CCNY: variants seen among roughly 807,000 people sequenced by gnomAD.
CCNY encodes the protein cyclin-Y.
In CCNY, 19 loss-of-function variants were observed where a neutral mutation model predicts 42.8. The observed-to-expected ratio is 0.44, with a 90% CI of 0.31 to 0.65. The LOEUF (loss-of-function observed/expected upper bound fraction) is 0.65. Ranked by LOEUF, CCNY falls within the 30% of genes least tolerant of loss-of-function variation. The pLI is 0.07. For synonymous variants in CCNY, 165 were observed against 162.7 expected (o/e 1.01, Z -0.11); for missense variants, 370 against 437.3 (o/e 0.85, Z 1.37).
intron 1 of CCNY, among the ~76,000 whole-genome samples, chr10:35,438,614 G>A (rs1838595700): frequency 6.6e-6 from 1 of 152,220 alleles, no homozygotes; most frequent in Non-Finnish European, 1.5e-5. Flanking sequence ...TGGGAGCTAT[G>A]TAATTGTCGT....
intron 1 of CCNY, among the ~76,000 whole-genome samples, chr10:35,457,543 A>G (rs1839063656): frequency 6.6e-6 from 1 of 151,938 alleles, no homozygotes; most frequent in South Asian, 2.1e-4. Flanking sequence ...TCCATGTTGG[A>G]TCCTGCACAG....
chr10:35,485,729 AAAAAAAAAAAC>A (rs1839772843), intron 2 of CCNY, among the ~76,000 whole-genome samples: 2 of 148,830 alleles, frequency 1.3e-5, no homozygotes, highest in African/African-American at 5.2e-5. Context: ...CGTCTCAAAA[AAAAAAAAAAAC>A]AAAAAAAAAA....
rs185187565 is a variant in CCNY, at chr10:35,382,410, C to T, written c.154+45203C>T. On this transcript the variant is annotated intron_variant, in intron 1 of 9. Coordinates refer to ENST00000374704, the MANE Select transcript of CCNY (RefSeq NM_145012.6). The stretch of plus-strand genomic sequence containing the variant: ...TTGATGCCTTCTCTTGGGAGGGGGC[C>T]GTGGCGCCTTTGCAGTGGTAAGACC... 5.6e-4 allele frequency among the ~76,000 whole-genome samples: 85 copies of T among 152,280 alleles called. 1 individual carries two copies. In the East Asian group the frequency reaches 0.013, roughly 24 times the overall value.
intron 1 of CCNY, among the ~76,000 whole-genome samples, chr10:35,468,975 T>C (rs990667997): frequency 3.9e-5 from 6 of 152,246 alleles, no homozygotes; most frequent in Non-Finnish European, 8.8e-5. Context: ...TCTAGCTATA[T>C]GTAAAAGTGT....
chr10:35,525,093 G>C (rs891733167), intron 4 of CCNY, among the ~76,000 whole-genome samples: 1 of 151,996 alleles, frequency 6.6e-6, no homozygotes, highest in African/African-American at 2.4e-5. Flanking sequence ...TCATTAGTAG[G>C]GGAATAGTTA....
intron 3 of CCNY, among the ~76,000 whole-genome samples, chr10:35,268,272 T>C (rs1049584275): frequency 3.3e-5 from 5 of 152,100 alleles, no homozygotes; most frequent in African/African-American, 1.2e-4. Flanking sequence ...CCAACACTTT[T>C]GGAGGCTGAG....
At chr10:35,402,478 T>C (rs1449185610) in intron 1 of CCNY, among the ~76,000 whole-genome samples, 2 of 152,180 alleles carry the variant, frequency 1.3e-5, no homozygotes, top group Non-Finnish European at 2.9e-5. Context: ...CCAGGCCAGA[T>C]TGATTTAGGT....
intron 2 of CCNY, among the ~76,000 whole-genome samples, chr10:35,492,585 A>G (rs150140470): frequency 5.4e-4 from 83 of 152,362 alleles, no homozygotes; most frequent in Non-Finnish European, 7.8e-4. Context: ...AGAAATAAAT[A>G]GCTTTCTGTT....
intron 1 of CCNY, among the ~76,000 whole-genome samples, chr10:35,364,801 A>G (rs1172431835): frequency 6.6e-6 from 1 of 152,200 alleles, no homozygotes; most frequent in Non-Finnish European, 1.5e-5. Context: ...TTTAAAAACC[A>G]TCTATTACAA....
Position 35,357,032 on chromosome 10 carries a change from CTGTACAGA to C in CCNY, c.154+19829_154+19836del, listed in dbSNP as rs1173255687. ...CTTCCAACTTTGTCTGTCTCAGGCT[CTGTACAGA>C]TGTTCTTCCTTCTGCCCTGCATGCT... On this transcript the variant is annotated intron_variant, in intron 1 of 9. Transcript: ENST00000374704. Among the ~76,000 whole-genome samples the C allele has an allele frequency of 6.6e-5, 10 of 152,190 alleles. No individual in the cohort carries two copies. In the South Asian group the frequency reaches 1.7e-3, roughly 25 times the overall value.
At chr10:35,523,292 G>A (rs1180542284) in intron 4 of CCNY, among the ~76,000 whole-genome samples, 2 of 152,208 alleles carry the variant, frequency 1.3e-5, no homozygotes, top group Non-Finnish European at 2.9e-5. Context: ...TTGGCCCACT[G>A]TCTCAGGCCA....
At chr10:35,340,997 C>T (rs1836167832) in intron 1 of CCNY, among the ~76,000 whole-genome samples, 1 of 152,208 alleles carries the variant, frequency 6.6e-6, no homozygotes, top group Non-Finnish European at 1.5e-5. Flanking sequence ...CCTGGTCTCC[C>T]TGCTTCCACC....
rs116367370 is a variant in CCNY at position 35,354,699 on chromosome 10, C to A, written c.154+17492C>A. On this transcript the variant is annotated intron_variant, in intron 1 of 9. Transcript: ENST00000374704. ...ACAGAAGTTCACTAAAACTGACTTC[C>A]GCAAAACAGACGGGGAGTGGGAGAG... is the stretch of plus-strand genomic sequence containing the variant. Among the ~76,000 whole-genome samples the A allele has an allele frequency of 3.4e-3, 510 of 152,138 alleles. 4 individuals carry two copies. Among genetic ancestry groups the A allele is most frequent in the African/African-American group, 0.012 (481 of 41,492 alleles).
intron 1 of CCNY, among the ~76,000 whole-genome samples, chr10:35,399,821 A>G (rs911573742): frequency 2.0e-5 from 3 of 152,164 alleles, no homozygotes; most frequent in African/African-American, 7.2e-5. Flanking sequence ...GCGGGGGAGA[A>G]AATTCTGACT....
In CCNY at chr10:35,399,011, G is replaced by A. The variant is rs115707912; in HGVS notation, c.154+61804G>A. On this transcript the variant is annotated intron_variant, in intron 1 of 9. Coordinates refer to ENST00000374704, the MANE Select transcript of CCNY (RefSeq NM_145012.6). ...GCTTGGTATGTCAGTCCCTTATAGCGTAGGCTTGTAGCAGACTCGCTGCAG... is the reference window on the plus strand; with the variant it reads ...GCTTGGTATGTCAGTCCCTTATAGCATAGGCTTGTAGCAGACTCGCTGCAG... Among the ~76,000 whole-genome samples, 511 of 152,304 alleles carry A rather than the reference G, an allele frequency of 3.4e-3. 4 individuals are homozygous for A. Among genetic ancestry groups the A allele is most frequent in the African/African-American group, 0.012 (481 of 41,554 alleles).
At chr10:35,474,314 G>T (rs545769379) in intron 1 of CCNY, among the ~76,000 whole-genome samples, 1 of 152,290 alleles carries the variant, frequency 6.6e-6, no homozygotes, top group East Asian at 1.9e-4. Context: ...GGAGGCCTGC[G>T]TGCCTCTGTA....
At chr10:35,397,604 C>G (rs1736223992) in intron 1 of CCNY, among the ~76,000 whole-genome samples, 1 of 152,144 alleles carries the variant, frequency 6.6e-6, no homozygotes, top group Non-Finnish European at 1.5e-5. Flanking sequence ...CTTCTAAGGT[C>G]AGGTCAGCCT....
intron 3 of CCNY, among the ~76,000 whole-genome samples, chr10:35,285,209 AT>A (rs1171060883): frequency 6.6e-6 from 1 of 151,690 alleles, no homozygotes; most frequent in Non-Finnish European, 1.5e-5. Flanking sequence ...AATTTTTTGT[AT>A]TTTTTGTAGA....
intron 1 of CCNY, among the ~76,000 whole-genome samples, chr10:35,473,802 C>T (rs1164162067): frequency 6.6e-6 from 1 of 152,026 alleles, no homozygotes; most frequent in Non-Finnish European, 1.5e-5. Context: ...GCCAAGATGG[C>T]CGAATAGGAA....
Sources: allele counts gnomAD v4.1 joint callset (sites outside exome capture counted in the v4.1 genomes callset), GRCh38; gene constraint gnomAD v4.1.1; transcripts MANE v1.5; gene names NCBI Gene and HGNC (gene_info 2026-07-23, HGNC 2026-07-21).